The following KPNA1 variants were observed in gnomAD, a reference collection of about 807,000 sequenced individuals.
KPNA1 encodes karyopherin subunit alpha 1.
KPNA1 carries 10 observed loss-of-function variants against 70.5 expected under a neutral mutation model. The ratio of observed to expected loss-of-function variants is 0.14; its 90% CI spans 0.09 to 0.24. KPNA1 has a LOEUF of 0.24. KPNA1 is among the 10% of genes least tolerant of loss of function. The pLI is 1.00. For synonymous variants in KPNA1, 192 were observed against 221.9 expected (o/e 0.87, Z 1.20); for missense variants, 397 against 637.9 (o/e 0.62, Z 4.07).
chr3:122,464,085 T>C, intron 3 of KPNA1, 44 bp from the exon 4 acceptor site: 3 of 1,035,496 alleles, frequency 2.9e-6, no homozygotes, highest in Non-Finnish European at 4.2e-6. Flanking sequence ...TTATCACCCT[T>C]AATTCAAAGG....
intron 4 of KPNA1, 108 bp downstream of exon 4, chr3:122,463,834 A>G (rs2076352137): frequency 2.0e-6 from 1 of 503,634 alleles, no homozygotes; most frequent in Non-Finnish European, 3.5e-6. Flanking sequence ...TTATTCTTTT[A>G]TTGATAAAAA....
intron 8 of KPNA1, among the ~76,000 whole-genome samples, chr3:122,450,943 A>G (rs550348125): frequency 3.9e-5 from 6 of 152,334 alleles, no homozygotes; most frequent in African/African-American, 1.4e-4. Flanking sequence ...GAGCTAAGCT[A>G]TGAGGACGCA....
At chr3:122,497,801 T>C (rs2076781323) in intron 1 of KPNA1, among the ~76,000 whole-genome samples, 1 of 152,244 alleles carries the variant, frequency 6.6e-6, no homozygotes, top group Non-Finnish European at 1.5e-5. Context: ...AGAGTTCTTT[T>C]TACATTCTAG....
intron 1 of KPNA1, among the ~76,000 whole-genome samples, chr3:122,498,518 C>T (rs906296148): frequency 7.9e-5 from 12 of 152,184 alleles, no homozygotes; most frequent in African/African-American, 2.7e-4. Context: ...GCAACCCAAA[C>T]GGACCATGAC....
At position 122,426,217 on chromosome 3, in the gene KPNA1, C is replaced by G. The variant is rs1003045774; in HGVS notation, c.*768G>C. The stretch of plus-strand genomic sequence containing the variant: ...CTTCCAAATTCTAAGACACAAAAGA[C>G]CAAAGAGAAGCAAAAGCGATACAAA... On this transcript the variant is annotated 3_prime_UTR_variant, in exon 14 of 14. Coordinates refer to ENST00000344337, the MANE Select transcript of KPNA1 (RefSeq NM_002264.4). 2 of 152,490 alleles carry G rather than the reference C, an allele frequency of 1.3e-5. No homozygotes were observed. The highest frequency in any genetic ancestry group is 1.3e-4 in the Admixed American group (2 of 15,270). 9.4% of individuals were successfully genotyped at this position (152,490 alleles called of 1,614,324 possible).
intron 5 of KPNA1, 98 bp from the exon 6 acceptor site, chr3:122,454,099 GA>G: frequency 1.2e-6 from 1 of 816,584 alleles, no homozygotes; most frequent in Non-Finnish European, 1.8e-6. Flanking sequence ...AAGATTCTGA[GA>G]TCATTATTTG....
chr3:122,433,912 A>C, intron 11 of KPNA1, 124 bp from the exon 12 acceptor site: 1 of 748,252 alleles, frequency 1.3e-6, no homozygotes, highest in Non-Finnish European at 2.1e-6. Context: ...AAATAAATTG[A>C]AAAGAGTTAT....
intron 2 of KPNA1, among the ~76,000 whole-genome samples, chr3:122,480,421 A>G (rs2076557657): frequency 6.6e-6 from 1 of 151,332 alleles, no homozygotes; most frequent in Admixed American, 6.6e-5. Flanking sequence ...TTCAGTTTTG[A>G]GGGGAACCAA....
In KPNA1 at chr3:122,449,571, T is replaced by C; in HGVS notation, c.917+3A>G. On this transcript the variant is annotated splice_donor_region_variant and intron_variant, in intron 9 of 13. Coordinates refer to ENST00000344337, the MANE Select transcript of KPNA1 (RefSeq NM_002264.4). ...TGGACACACTTTCTAAAAGATATCT[T>C]ACATCAGCAGTTCCACAAGTCTCCT... 6.2e-7 allele frequency: 1 copy of C among 1,606,326 alleles called. No homozygotes were observed. The highest frequency in any genetic ancestry group is 8.5e-7 in the Non-Finnish European group (1 of 1,176,822).
At chr3:122,460,180 T>C (rs950287549) in intron 5 of KPNA1, 3 of 985,214 alleles carry the variant, frequency 3.0e-6, no homozygotes, top group Admixed American at 1.2e-4. Flanking sequence ...ATCACATGTA[T>C]TTGTAACTAA....
intron 2 of KPNA1, among the ~76,000 whole-genome samples, chr3:122,492,936 T>A (rs1181545402): frequency 6.6e-6 from 1 of 152,232 alleles, no homozygotes; most frequent in East Asian, 1.9e-4. Flanking sequence ...TTTATATACA[T>A]ATGCTTTATC....
intron 2 of KPNA1, among the ~76,000 whole-genome samples, chr3:122,488,953 A>G (rs1268233126): frequency 1.3e-5 from 2 of 151,936 alleles, no homozygotes; most frequent in Non-Finnish European, 2.9e-5. Context: ...ACTTCTTTAA[A>G]TATTTTTTCT....
chr3:122,490,995 ACTT>A (rs966234049), intron 2 of KPNA1, among the ~76,000 whole-genome samples: 12 of 152,372 alleles, frequency 7.9e-5, no homozygotes, highest in Non-Finnish European at 1.3e-4. Context: ...ATTCATTTAT[ACTT>A]CTTTTTTGTC....
chr3:122,451,997 T>C lies in KPNA1; in HGVS notation c.632A>G (p.Asn211Ser), dbSNP rs755745102. ...TMCRDYVLDC[N>S]ILPPLLQLFS... ...TTACTGCAAAAGAGGGGGAAGGATA[T>C]TGCAGTCTAAGACATAGTCCCTGCA... is the stretch of plus-strand genomic sequence containing the variant. Residue 211 changes from asparagine (N) to serine (S), a missense_variant, in exon 7 of 14, where the codon AAT (asparagine) becomes AGT (serine). Coordinates refer to ENST00000344337, the MANE Select transcript of KPNA1 (RefSeq NM_002264.4). 8.8e-6 allele frequency: 14 copies of C among 1,598,198 alleles called. No individual in the cohort carries two copies. The highest frequency in any genetic ancestry group is 4.0e-5 in the African/African-American group (3 of 74,384).
chr3:122,427,782 G>T, intron 12 of KPNA1, 66 bp from the exon 13 acceptor site: 1 of 1,092,056 alleles, frequency 9.2e-7, no homozygotes, highest in Non-Finnish European at 1.3e-6. Flanking sequence ...AAATTAGTGA[G>T]CAAGTCATCC....
At chr3:122,500,916 T>G (rs2076821546) in intron 1 of KPNA1, among the ~76,000 whole-genome samples, 1 of 151,724 alleles carries the variant, frequency 6.6e-6, no homozygotes, top group African/African-American at 2.4e-5. Flanking sequence ...TTCACTCTAC[T>G]CTTTATTTGC....
chr3:122,449,676 G>A lies in KPNA1; in HGVS notation c.815C>T (p.Ala272Val). The change falls in exon 9 of 14, where the codon GCT (alanine) becomes GTT (valine). Residue 272 changes from alanine to valine, a missense_variant. Ala to Val is a moderately conservative substitution (Grantham distance 64, BLOSUM62 0). Coordinates refer to ENST00000344337, the MANE Select transcript of KPNA1 (RefSeq NM_002264.4). ...ATATGAGAGGGCCCAGCAGGCATCA[G>A]CCAGTACATCAGTGTCACTGACAAA... ...LLFVSDTDVLADACWALSYLS... is the reference protein window; with the variant it reads ...LLFVSDTDVLVDACWALSYLS... The A allele has an allele frequency of 6.2e-7, 1 of 1,613,894 alleles. No homozygotes were observed. The highest frequency in any genetic ancestry group is 1.3e-5 in the African/African-American group (1 of 75,046).
chr3:122,489,835 T>C (rs2076676929), intron 2 of KPNA1, among the ~76,000 whole-genome samples: 1 of 152,204 alleles, frequency 6.6e-6, no homozygotes, highest in Non-Finnish European at 1.5e-5. Flanking sequence ...CATTTCGGTA[T>C]ACAGCTAAGT....
At chr3:122,435,131 C>G (rs949099724) in intron 11 of KPNA1, among the ~76,000 whole-genome samples, 4 of 152,060 alleles carry the variant, frequency 2.6e-5, no homozygotes, top group African/African-American at 9.7e-5. Context: ...TTTTTATTGA[C>G]AAATAATAAT....
Sources: allele counts gnomAD v4.1 joint callset (sites outside exome capture counted in the v4.1 genomes callset), GRCh38; gene constraint gnomAD v4.1.1; transcripts MANE v1.5; gene names NCBI Gene and HGNC (gene_info 2026-07-23, HGNC 2026-07-21).